The following DMD variants were observed in gnomAD, a reference collection of about 807,000 sequenced individuals.
DMD encodes dystrophin, also known as mutant dystrophin.
A neutral mutation model predicts 330.1 loss-of-function variants in DMD; 63 were observed. The observed-to-expected ratio is 0.19, with a 90% CI of 0.16 to 0.24. The LOEUF (loss-of-function observed/expected upper bound fraction) is 0.24. Ranked by LOEUF, DMD falls within the 10% of genes least tolerant of loss-of-function variation. The pLI is 1.00. For synonymous variants in DMD, 1,223 were observed against 959.8 expected (o/e 1.27, Z -5.07); for missense variants, 3,344 against 2,684.1 (o/e 1.25, Z -5.43).
At chrX:31,817,914 C>A (rs2092672057) in intron 50 of DMD, among the ~76,000 whole-genome samples, 1 of 111,892 alleles carries the variant, frequency 8.9e-6, no homozygotes, top group South Asian at 3.7e-4. Context: ...CAGAAATACA[C>A]CAGGCTCACT....
intron 1 of DMD, among the ~76,000 whole-genome samples, chrX:33,274,929 G>A (rs1451238386): frequency 9.0e-6 from 1 of 111,598 alleles, no homozygotes; most frequent in Non-Finnish European, 1.9e-5. Context: ...TGGACAGCAT[G>A]CTGGCCCCTG....
At chrX:31,796,079 A>C (rs2149330683) in intron 50 of DMD, among the ~76,000 whole-genome samples, 1 of 112,087 alleles carries the variant, frequency 8.9e-6, no homozygotes, top group African/African-American at 3.2e-5. Flanking sequence ...AAGCTGAAAA[A>C]TTTAGCTTTT....
At chrX:33,212,232 CA>C (rs1172305014), upstream of DMD, among the ~76,000 whole-genome samples, 1 of 112,366 alleles carries the variant, frequency 8.9e-6, no homozygotes, top group African/African-American at 3.2e-5. Flanking sequence ...TCTTTACTAA[CA>C]AATTATTCTT....
At chrX:33,142,523 A>T (rs1198231807) in intron 1 of DMD, among the ~76,000 whole-genome samples, 1 of 112,496 alleles carries the variant, frequency 8.9e-6, no homozygotes, top group Admixed American at 9.4e-5. Context: ...TACCAAAGGA[A>T]AGGTTTGGGG....
intron 43 of DMD, among the ~76,000 whole-genome samples, chrX:32,234,888 T>G (rs892395325): frequency 2.3e-4 from 26 of 111,824 alleles, no homozygotes; most frequent in African/African-American, 7.8e-4. Context: ...AAAAAAAGAT[T>G]CAGAGACATT....
intron 54 of DMD, among the ~76,000 whole-genome samples, chrX:31,633,920 G>A (rs915426143): frequency 8.9e-6 from 1 of 112,363 alleles, no homozygotes. Flanking sequence ...TTAAGTGGCA[G>A]AGCTGGGGGT....
chrX:31,338,960 AAAAAAC>A (rs1388051230), intron 61 of DMD, among the ~76,000 whole-genome samples: 4 of 109,565 alleles, frequency 3.7e-5, no homozygotes, highest in Non-Finnish European at 7.6e-5. Flanking sequence ...AAAAAAAAAA[AAAAAAC>A]AAAGTGCCCC....
At chrX:31,632,009 T>C (rs1448785244) in intron 54 of DMD, among the ~76,000 whole-genome samples, 2 of 111,481 alleles carry the variant, frequency 1.8e-5, no homozygotes. Context: ...CAACTGCACA[T>C]GAAGGTAAAG....
intron 21 of DMD, among the ~76,000 whole-genome samples, chrX:32,476,874 T>G (rs192744185): frequency 9.0e-6 from 1 of 111,272 alleles, no homozygotes; most frequent in East Asian, 2.8e-4. Context: ...CTTTTTTTCC[T>G]TTTATGTAGA....
chrX:31,211,960 C>G (rs1256554341), intron 64 of DMD, among the ~76,000 whole-genome samples: 1 of 110,713 alleles, frequency 9.0e-6, no homozygotes, highest in Non-Finnish European at 1.9e-5. Context: ...GTGAGAATAT[C>G]AATAGGGACA....
intron 9 of DMD, among the ~76,000 whole-genome samples, chrX:32,651,050 G>A (rs1351693417): frequency 1.8e-5 from 2 of 111,849 alleles, no homozygotes; most frequent in African/African-American, 3.2e-5. Context: ...TCCAAAACAC[G>A]TCTTTATCCC....
intron 57 of DMD, among the ~76,000 whole-genome samples, chrX:31,488,535 T>C (rs1184667566): frequency 8.9e-6 from 1 of 111,945 alleles, no homozygotes; most frequent in Non-Finnish European, 1.9e-5. Flanking sequence ...TTCCCAAGTC[T>C]TTCTCAGATG....
intron 60 of DMD, among the ~76,000 whole-genome samples, chrX:31,411,005 A>T (rs1284412505): frequency 2.1e-4 from 21 of 99,629 alleles, no homozygotes; most frequent in Non-Finnish European, 4.1e-4. Context: ...ACCTCAAGTG[A>T]TCCCCCTGCT....
chrX:33,031,745 C>CCGACAG (rs2094118788), intron 1 of DMD, among the ~76,000 whole-genome samples: 1 of 110,142 alleles, frequency 9.1e-6, no homozygotes, highest in East Asian at 2.9e-4. Flanking sequence ...CACTCCAGCC[C>CCGACAG]CGACAGGAGT....
intron 55 of DMD, among the ~76,000 whole-genome samples, chrX:31,601,782 A>T (rs1243418461): frequency 8.9e-6 from 1 of 111,897 alleles, no homozygotes; most frequent in African/African-American, 3.2e-5. Flanking sequence ...TTCGTTAGTG[A>T]CATCTACACA....
chrX:31,431,202 C>T (rs753425987), intron 60 of DMD, among the ~76,000 whole-genome samples: 4 of 110,376 alleles, frequency 3.6e-5, no homozygotes, highest in South Asian at 7.8e-4. Context: ...GTAGTTCAGT[C>T]GATATTTATG....
intron 50 of DMD, among the ~76,000 whole-genome samples, chrX:31,802,270 C>T (rs1424210605): frequency 9.1e-6 from 1 of 110,444 alleles, no homozygotes; most frequent in African/African-American, 3.3e-5. Context: ...TTTCACACAG[C>T]TAAGATGCAT....
chrX:32,509,735 C>T (rs1603635143), intron 18 of DMD, among the ~76,000 whole-genome samples: 1 of 111,940 alleles, frequency 8.9e-6, no homozygotes, highest in African/African-American at 3.2e-5. Context: ...ACTACTTGAA[C>T]ACAGTTTTCC....
rs139880544 is a variant in DMD, at chrX:31,383,396, T to C, written c.9085-34762A>G. Among the ~76,000 whole-genome samples, 281 of 112,184 alleles carry C rather than the reference T, an allele frequency of 2.5e-3. 3 individuals carry two copies. The East Asian group carries it at 0.066, about 26-fold the overall frequency. ...AAGTTGTAACAATTAGGTTGGTGAA[T>C]AGATATGAAGTACGTAGATAATGCT... is the stretch of plus-strand genomic sequence containing the variant. On this transcript the variant is annotated intron_variant, in intron 60 of 78. Transcript: ENST00000357033.
Sources: allele counts gnomAD v4.1 joint callset (sites outside exome capture counted in the v4.1 genomes callset), GRCh38; gene constraint gnomAD v4.1.1; transcripts MANE v1.5; gene names NCBI Gene and HGNC (gene_info 2026-07-23, HGNC 2026-07-21).